ASXL1: variants seen among roughly 807,000 people sequenced by gnomAD.
ASXL1 encodes polycomb group protein ASXL1.
In ASXL1, 65 loss-of-function variants were observed where a neutral mutation model predicts 89.1. That is an observed-to-expected ratio of 0.73 (90% CI 0.60 to 0.90). The LOEUF is 0.90. Among genes scored for constraint, ASXL1 ranks in the 40% least tolerant of loss-of-function variants. The pLI is 0.00. For missense variants in ASXL1, 1,786 were observed against 1,942.9 expected (o/e 0.92, Z 1.52); for synonymous variants, 739 against 746.9 (o/e 0.99, Z 0.17).
intron 4 of ASXL1, among the ~76,000 whole-genome samples, chr20:32,395,955 T>A (rs907447619): frequency 6.6e-6 from 1 of 151,968 alleles, no homozygotes; most frequent in African/African-American, 2.4e-5. Flanking sequence ...TGCATCACCA[T>A]GTCTGGCTAG....
intron 1 of ASXL1, chr20:32,359,934 C>T (rs2048082721): frequency 4.3e-6 from 3 of 689,948 alleles, no homozygotes; most frequent in Non-Finnish European, 8.1e-6. Flanking sequence ...GGTTGTGGTG[C>T]GGATAGCATA....
intron 4 of ASXL1, among the ~76,000 whole-genome samples, chr20:32,386,594 A>T (rs1001023894): frequency 3.3e-5 from 5 of 151,596 alleles, no homozygotes; most frequent in African/African-American, 1.2e-4. Context: ...TTTTTTGTAT[A>T]ATTATTAGAG....
intron 4 of ASXL1, among the ~76,000 whole-genome samples, chr20:32,417,421 A>G (rs2049156894): frequency 2.0e-5 from 3 of 152,136 alleles, no homozygotes; most frequent in Non-Finnish European, 4.4e-5. Flanking sequence ...GAGTGTGTTC[A>G]TTTTTTAAAT....
intron 4 of ASXL1, 123 bp from the exon 5 acceptor site, chr20:32,428,005 G>A: frequency 1.4e-6 from 2 of 1,407,004 alleles, no homozygotes; most frequent in Non-Finnish European, 2.0e-6. Context: ...CAGTTAGAAA[G>A]GGTTAGGAAC....
intron 4 of ASXL1, among the ~76,000 whole-genome samples, chr20:32,382,763 G>GCAA (rs1048200522): frequency 3.3e-5 from 5 of 152,024 alleles, no homozygotes; most frequent in Non-Finnish European, 5.9e-5. Context: ...TCCAGCCTGG[G>GCAA]CAACAGAGTA....
At chr20:32,412,561 G>A (rs2049066671) in intron 4 of ASXL1, among the ~76,000 whole-genome samples, 1 of 151,270 alleles carries the variant, frequency 6.6e-6, no homozygotes, top group Non-Finnish European at 1.5e-5. Context: ...GGGAAAACAA[G>A]CACTGTTGCA....
At chr20:32,427,688 C>T in intron 4 of ASXL1, 1 of 232,904 alleles carries the variant, frequency 4.3e-6, no homozygotes, top group South Asian at 5.9e-5. Flanking sequence ...GATCGTTATT[C>T]ACCTCCATGC....
intron 4 of ASXL1, among the ~76,000 whole-genome samples, chr20:32,403,719 A>G (rs1487283931): frequency 1.3e-5 from 2 of 152,210 alleles, no homozygotes; most frequent in African/African-American, 4.8e-5. Context: ...TCAGCTGTGT[A>G]TGAATTTTAG....
At position 32,438,116 on chromosome 20, in the gene ASXL1, G is replaced by A. The variant is rs1376698183; in HGVS notation, c.*778G>A. On this transcript the variant is annotated 3_prime_UTR_variant, in exon 13 of 13. Transcript: ENST00000375687. ...TGCTTGACATCCTCCCTGTCACTTTGGACCCTATGGGAGTGGGCATCTCCA... is the reference window on the plus strand; with the variant it reads ...TGCTTGACATCCTCCCTGTCACTTTAGACCCTATGGGAGTGGGCATCTCCA... The A allele has an allele frequency of 8.6e-6, 2 of 233,420 alleles. No homozygotes were observed. The highest frequency in any genetic ancestry group is 1.7e-5 in the Non-Finnish European group (2 of 118,052). 14.5% of individuals were successfully genotyped at this position (233,420 alleles called of 1,614,324 possible).
intron 4 of ASXL1, among the ~76,000 whole-genome samples, chr20:32,399,550 T>C (rs933072776): frequency 6.6e-5 from 10 of 151,474 alleles, no homozygotes; most frequent in African/African-American, 2.4e-4. Context: ...TTAATTTCTC[T>C]TTTCTTTTTA....
intron 1 of ASXL1, 170 bp downstream of exon 1, chr20:32,359,002 C>G (rs540053795): frequency 4.2e-6 from 3 of 722,632 alleles, no homozygotes; most frequent in Non-Finnish European, 6.7e-6. Flanking sequence ...GGGAGCGCTC[C>G]GCCGGGATGG....
At position 32,437,090 on chromosome 20, in the gene ASXL1, T is replaced by C. The variant is rs1280491013; in HGVS notation, c.4378T>C (p.Ser1460Pro). The change falls in exon 13 of 13, where the codon TCT becomes CCT. Residue 1460 changes from serine (S) to proline (P), a missense_variant. By Grantham distance (74) the Ser-to-Pro change is moderately conservative (BLOSUM62 -1). Coordinates refer to ENST00000375687, the MANE Select transcript of ASXL1 (RefSeq NM_015338.6). Reference protein sequence around the residue: ...SSTSFNYSSSSPTFPKGLAGS... With the variant: ...SSTSFNYSSSPPTFPKGLAGS... Reference sequence around the variant, plus strand: ...CACCAGCTTTAATTATTCCTCTAGCTCTCCCACCTTTCCCAAAGGCCTTGC... The same window carrying C: ...CACCAGCTTTAATTATTCCTCTAGCCCTCCCACCTTTCCCAAAGGCCTTGC... 1 of 1,614,110 alleles carries C rather than the reference T, an allele frequency of 6.2e-7. No individual in the cohort carries two copies. The highest frequency in any genetic ancestry group is 8.5e-7 in the Non-Finnish European group (1 of 1,180,022).
chr20:32,438,866 C>G lies in ASXL1; in HGVS notation c.*1528C>G, dbSNP rs1311428343. On this transcript the variant is annotated 3_prime_UTR_variant, in exon 13 of 13. Transcript: ENST00000375687. ...TCCTGCCTCTCTCCCAACATGTTTC[C>G]AGCAAGTAGATGCCCCTGTGTGTGT... The G allele has an allele frequency of 1.3e-5, 3 of 233,386 alleles. No individual in the cohort carries two copies. In the East Asian group the frequency reaches 1.8e-4, roughly 14 times the overall value. The allele number at this position is 233,386 out of a possible 1,614,324, so 14.5% of individuals were successfully genotyped here.
intron 4 of ASXL1, among the ~76,000 whole-genome samples, chr20:32,371,604 A>T (rs1181986897): frequency 6.6e-6 from 1 of 151,888 alleles, no homozygotes; most frequent in East Asian, 1.9e-4. Flanking sequence ...TTTTAATTTA[A>T]TATTAATTTA....
At chr20:32,361,496 G>T (rs2048109645) in intron 1 of ASXL1, among the ~76,000 whole-genome samples, 1 of 151,690 alleles carries the variant, frequency 6.6e-6, no homozygotes, top group South Asian at 2.1e-4. Flanking sequence ...AAATTAGCCG[G>T]GTGTGGTGGT....
chr20:32,410,070 G>A lies in ASXL1; in HGVS notation c.253-18058G>A, dbSNP rs527701307. Among the ~76,000 whole-genome samples the A allele has an allele frequency of 9.2e-5, 14 of 152,204 alleles. No homozygotes were observed. In the South Asian group the frequency reaches 2.3e-3, roughly 25 times the overall value. On this transcript the variant is annotated intron_variant, in intron 4 of 12. Coordinates refer to ENST00000375687, the MANE Select transcript of ASXL1 (RefSeq NM_015338.6). ...CTCAGTACATTTTATCAGGAGACAC[G>A]ATACCTGTTTGTCTGATTTCTGATA... is the stretch of plus-strand genomic sequence containing the variant.
rs1415234821 is a variant in ASXL1 at position 32,438,111 on chromosome 20, A to T, written c.*773A>T. The T allele has an allele frequency of 1.7e-5, 4 of 233,324 alleles. No individual in the cohort carries two copies. Among genetic ancestry groups the T allele is most frequent in the Non-Finnish European group, 3.4e-5 (4 of 118,036 alleles). The allele number at this position is 233,324 out of a possible 1,614,324, so 14.5% of individuals were successfully genotyped here. ...TCCTCTGCTTGACATCCTCCCTGTC[A>T]CTTTGGACCCTATGGGAGTGGGCAT... is the stretch of plus-strand genomic sequence containing the variant. On this transcript the variant is annotated 3_prime_UTR_variant, in exon 13 of 13. Transcript: ENST00000375687.
rs575237779 is a variant in ASXL1 at position 32,429,858 on chromosome 20, C to T, written c.566-43C>T. 1.0e-4 allele frequency: 163 copies of T among 1,600,596 alleles called. 2 individuals are homozygous for T. The Middle Eastern group carries it at 2.3e-3, about 22-fold the overall frequency. ...TGAGCTTGTCTGAGAGCCATGGGCG[C>T]GGCTTGGTGATACTTTTGACCAGTG... On this transcript the variant is annotated intron_variant, in intron 7 of 12. Transcript: ENST00000375687. This position sits in a 1 kb window ranked among gnomAD's most constrained non-coding sequence, Gnocchi z 4.9.
chr20:32,411,212 ATTC>A (rs2049039205), intron 4 of ASXL1, among the ~76,000 whole-genome samples: 3 of 65,848 alleles, frequency 4.6e-5, no homozygotes, highest in South Asian at 5.9e-4. Flanking sequence ...GAATTTATGG[ATTC>A]TTTTTTTTTT....
Sources: allele counts gnomAD v4.1 joint callset (sites outside exome capture counted in the v4.1 genomes callset), GRCh38; gene constraint gnomAD v4.1.1; non-coding constraint Gnocchi (gnomAD v3.1); transcripts MANE v1.5; gene names NCBI Gene and HGNC (gene_info 2026-07-23, HGNC 2026-07-21).